Variants in GRID2 observed in about 807,000 individuals in gnomAD.
GRID2 encodes the protein glutamate ionotropic receptor delta type subunit 2.
GRID2 carries 33 observed loss-of-function variants against 114.8 expected under a neutral mutation model. The observed-to-expected ratio is 0.29, with a 90% confidence interval of 0.22 to 0.38. GRID2 has a LOEUF of 0.38. GRID2 is among the 10% of genes least tolerant of loss of function. The pLI is 1.00. For missense variants in GRID2, 1,184 were observed against 1,257.7 expected (o/e 0.94, Z 0.89); for synonymous variants, 505 against 449.9 (o/e 1.12, Z -1.55).
chr4:92,689,076 A>G (rs1248525592), intron 2 of GRID2, among the ~76,000 whole-genome samples: 1 of 152,298 alleles, frequency 6.6e-6, no homozygotes. Context: ...ATTTTGTTGT[A>G]TGAGCACTAC....
In GRID2 at chr4:93,570,735, A is replaced by AAATT. The variant is rs927257250; in HGVS notation, c.2193+55330_2193+55333dup. 3.3e-5 allele frequency among the ~76,000 whole-genome samples: 5 copies of AAATT among 152,314 alleles called. No homozygotes were observed. In the East Asian group the frequency reaches 9.6e-4, roughly 29 times the overall value. On this transcript the variant is annotated intron_variant, in intron 13 of 15. Transcript: ENST00000282020. ...TAAAGCAATAAAGTATATGTTGAAA[A>AAATT]AATTAATTATAATACAAAGAAAATT...
chr4:92,900,014 G>C (rs1747456614), intron 2 of GRID2, among the ~76,000 whole-genome samples: 1 of 152,108 alleles, frequency 6.6e-6, no homozygotes, highest in South Asian at 2.1e-4. Context: ...ATGTAAATTT[G>C]AAAATGTGCC....
chr4:93,485,753 A>T (rs977029526), intron 11 of GRID2, among the ~76,000 whole-genome samples: 27 of 151,710 alleles, frequency 1.8e-4, no homozygotes, highest in African/African-American at 6.3e-4. Flanking sequence ...AACTGTCTTA[A>T]TTACTATATT....
chr4:93,135,565 A>G (rs1447857296), intron 4 of GRID2, among the ~76,000 whole-genome samples: 1 of 152,158 alleles, frequency 6.6e-6, no homozygotes, highest in Non-Finnish European at 1.5e-5. Context: ...CCTCTACTGT[A>G]TGATCTGCTT....
intron 2 of GRID2, among the ~76,000 whole-genome samples, chr4:92,723,539 T>C (rs1312224762): frequency 6.6e-6 from 1 of 152,172 alleles, no homozygotes; most frequent in Non-Finnish European, 1.5e-5. Context: ...TCTTTTTTCA[T>C]GAAACTTAAA....
chr4:93,781,871 T>A (rs1734488108), intron 1 of GRID2, among the ~76,000 whole-genome samples: 1 of 152,168 alleles, frequency 6.6e-6, no homozygotes, highest in African/African-American at 2.4e-5. Context: ...TCTGACTGCA[T>A]TTGACTTCCA....
At chr4:92,572,683 T>C (rs1727688809) in intron 1 of GRID2, among the ~76,000 whole-genome samples, 1 of 152,152 alleles carries the variant, frequency 6.6e-6, no homozygotes, top group South Asian at 2.1e-4. Flanking sequence ...TACTTGATCA[T>C]GGCAGATAAA....
chr4:93,294,027 G>A (rs928765092), intron 8 of GRID2, among the ~76,000 whole-genome samples: 1 of 152,154 alleles, frequency 6.6e-6, no homozygotes, highest in Non-Finnish European at 1.5e-5. Context: ...AATAGATGAA[G>A]GGAAAGTCAT....
chr4:92,932,441 C>G (rs975893519), intron 2 of GRID2, among the ~76,000 whole-genome samples: 1 of 151,118 alleles, frequency 6.6e-6, no homozygotes, highest in Admixed American at 6.6e-5. Context: ...CAATTGTAAA[C>G]TATAGCTCCC....
At chr4:92,350,424 T>A (rs1728008514) in intron 1 of GRID2, among the ~76,000 whole-genome samples, 1 of 151,842 alleles carries the variant, frequency 6.6e-6, no homozygotes, top group African/African-American at 2.4e-5. Flanking sequence ...ATTTTTAAAA[T>A]CACTTCAGAA....
rs547038435 is a variant in GRID2, at chr4:93,682,829, C to A, written c.2360+56394C>A. On this transcript the variant is annotated intron_variant, in intron 14 of 15. Transcript: ENST00000282020. ...ATAGCATTAGGAGATATACCTAATG[C>A]TAACTGATGAGTTAATGGGTGGAGC... 4.5e-3 allele frequency among the ~76,000 whole-genome samples: 687 copies of A among 151,248 alleles called. 5 individuals are homozygous for A. The highest frequency in any genetic ancestry group is 0.015 in the African/African-American group (600 of 41,156).
At chr4:93,616,901 G>A (rs201401573) in intron 13 of GRID2, among the ~76,000 whole-genome samples, 14 of 145,428 alleles carry the variant, frequency 9.6e-5, no homozygotes, top group Admixed American at 4.7e-4. Context: ...AGGCTGAGGC[G>A]AGAATGGCGT....
intron 1 of GRID2, among the ~76,000 whole-genome samples, chr4:92,579,294 C>G (rs1270020433): frequency 6.6e-6 from 1 of 152,010 alleles, no homozygotes; most frequent in Non-Finnish European, 1.5e-5. Context: ...AGTGTATACT[C>G]TATCATCGCT....
chr4:93,436,022 T>C (rs1028746297), intron 10 of GRID2, among the ~76,000 whole-genome samples: 2 of 152,122 alleles, frequency 1.3e-5, no homozygotes, highest in Non-Finnish European at 2.9e-5. Context: ...GTATTCTCTA[T>C]CTTGAAAATA....
At chr4:92,612,245 G>A (rs62307884) in intron 2 of GRID2, among the ~76,000 whole-genome samples, 7,124 of 151,328 alleles carry the variant, frequency 0.047, 207 homozygotes, top group East Asian at 0.094. Flanking sequence ...AATTATTTTG[G>A]CACTTTTGTT....
intron 6 of GRID2, 33 bp downstream of exon 6, chr4:93,216,944 G>A (rs374827763): frequency 9.2e-6 from 14 of 1,528,816 alleles, no homozygotes; most frequent in African/African-American, 4.1e-5. Flanking sequence ...TTTCTTCCAG[G>A]GTGCTTTGTT....
At chr4:92,672,161 C>T (rs958534206) in intron 2 of GRID2, among the ~76,000 whole-genome samples, 1 of 152,068 alleles carries the variant, frequency 6.6e-6, no homozygotes, top group Non-Finnish European at 1.5e-5. Context: ...TAGTATATTT[C>T]CATGTGTCCA....
At chr4:92,682,827 T>A (rs1733714794) in intron 2 of GRID2, among the ~76,000 whole-genome samples, 1 of 152,142 alleles carries the variant, frequency 6.6e-6, no homozygotes, top group Non-Finnish European at 1.5e-5. Flanking sequence ...CACTAAAATT[T>A]AGTAAACTTA....
chr4:92,377,097 T>G (rs188781551), intron 1 of GRID2, among the ~76,000 whole-genome samples: 1 of 152,332 alleles, frequency 6.6e-6, no homozygotes, highest in African/African-American at 2.4e-5. Flanking sequence ...AATGGAATTT[T>G]ATTTTCTATC....
Sources: allele counts gnomAD v4.1 joint callset (sites outside exome capture counted in the v4.1 genomes callset), GRCh38; gene constraint gnomAD v4.1.1; transcripts MANE v1.5; gene names NCBI Gene and HGNC (gene_info 2026-07-23, HGNC 2026-07-21).